The following WNK1 variants were observed in gnomAD, a reference collection of about 807,000 sequenced individuals.
WNK1 encodes WNK lysine deficient protein kinase 1, also known as serine/threonine-protein kinase WNK1.
In WNK1, 38 loss-of-function variants were observed where a neutral mutation model predicts 222.8. That is an observed-to-expected ratio of 0.17 (90% CI 0.13 to 0.22). The LOEUF is 0.22. Among genes scored for constraint, WNK1 ranks in the 10% least tolerant of loss-of-function variants. WNK1 has a pLI of 1.00. For synonymous variants in WNK1, 1,090 were observed against 1,092.9 expected, an observed-to-expected ratio of 1.00 and a Z score of 0.05; for missense variants, 2,348 against 2,918.4, an observed-to-expected ratio of 0.80 and a Z score of 4.50.
At chr12:892,847 G>T (rs559144928) in intron 22 of WNK1, among the ~76,000 whole-genome samples, 1 of 152,148 alleles carries the variant, frequency 6.6e-6, no homozygotes, top group East Asian at 1.9e-4. Flanking sequence ...GCCTCTGGGG[G>T]GATCAGTTTA....
At chr12:848,022 G>C (rs1330092135) in intron 4 of WNK1, among the ~76,000 whole-genome samples, 1 of 151,854 alleles carries the variant, frequency 6.6e-6, no homozygotes, top group Non-Finnish European at 1.5e-5. Context: ...TGGCTAGGAT[G>C]GTCTTTCTTG....
chr12:879,516 T>A, intron 10 of WNK1, 57 bp from the exon 11 acceptor site: 2 of 491,350 alleles, frequency 4.1e-6, no homozygotes, highest in Non-Finnish European at 3.0e-6. Context: ...AGCCTTGCTT[T>A]TTTTTTTTTT....
chr12:911,405 G>GACTT lies in WNK1; in HGVS notation c.*2615_*2618dup, dbSNP rs376351532. 2,882 of 398,576 alleles carry GACTT rather than the reference G, an allele frequency of 7.2e-3. 19 individuals carry two copies. Among genetic ancestry groups the GACTT allele is most frequent in the South Asian group, 0.039 (305 of 7,862 alleles). The allele number at this position is 398,576 out of a possible 1,614,324, so 24.7% of individuals were successfully genotyped here. On this transcript the variant is annotated 3_prime_UTR_variant, in exon 28 of 28. Transcript: ENST00000315939. ...TGTGCTTCAGTTTGTTACCTTTGTA[G>GACTT]ACTTATTTAATGAAACCATTCAAAT...
At chr12:907,070 A>G (rs1392183496) in intron 26 of WNK1, among the ~76,000 whole-genome samples, 1 of 138,280 alleles carries the variant, frequency 7.2e-6, no homozygotes, top group Non-Finnish European at 1.5e-5. Context: ...CTGTAATCCC[A>G]GCACTTTGGG....
At chr12:826,862 T>G (rs942347381) in intron 2 of WNK1, among the ~76,000 whole-genome samples, 180 bp from the exon 3 acceptor site, 1 of 152,224 alleles carries the variant, frequency 6.6e-6, no homozygotes, top group African/African-American at 2.4e-5. Flanking sequence ...TTAATAGAAT[T>G]TTTATTTTAA....
chr12:817,870 TTG>T (rs1947498711), intron 2 of WNK1, among the ~76,000 whole-genome samples: 1 of 152,046 alleles, frequency 6.6e-6, no homozygotes, highest in East Asian at 1.9e-4. Context: ...AGAGAATCGC[TTG>T]ACCCCGGAAG....
intron 1 of WNK1, among the ~76,000 whole-genome samples, chr12:768,837 G>A (rs1942100337): frequency 6.6e-6 from 1 of 151,546 alleles, no homozygotes; most frequent in South Asian, 2.1e-4. Flanking sequence ...TTGAGACGGA[G>A]TCTTGCTCTG....
intron 25 of WNK1, among the ~76,000 whole-genome samples, chr12:899,529 C>T (rs939637464): frequency 1.3e-5 from 2 of 152,086 alleles, no homozygotes; most frequent in South Asian, 2.1e-4. Flanking sequence ...GTGATCCGCC[C>T]GCCTCAGCCT....
chr12:875,478 A>G (rs911644979), intron 9 of WNK1, among the ~76,000 whole-genome samples: 13 of 152,224 alleles, frequency 8.5e-5, no homozygotes, highest in Non-Finnish European at 1.6e-4. Context: ...CAGACAGAAT[A>G]TTTTTAAGGA....
intron 4 of WNK1, 92 bp downstream of exon 4, chr12:830,252 T>C (rs1323930125): frequency 7.1e-7 from 1 of 1,409,824 alleles, no homozygotes; most frequent in Non-Finnish European, 9.9e-7. Flanking sequence ...AAGAGGACAA[T>C]AGTGGAAGGC....
At chr12:793,416 TA>T (rs1054779981) in intron 1 of WNK1, among the ~76,000 whole-genome samples, 2 of 152,236 alleles carry the variant, frequency 1.3e-5, no homozygotes, top group Admixed American at 6.5e-5. Flanking sequence ...CCACAAGAGC[TA>T]AATAGTAAAT....
chr12:816,656 A>G (rs1947365641), intron 2 of WNK1, among the ~76,000 whole-genome samples: 1 of 152,186 alleles, frequency 6.6e-6, no homozygotes, highest in Non-Finnish European at 1.5e-5. Flanking sequence ...TACTTGGTAC[A>G]GGAATCCCAA....
At chr12:845,227 A>C (rs1949946381) in intron 4 of WNK1, among the ~76,000 whole-genome samples, 1 of 152,146 alleles carries the variant, frequency 6.6e-6, no homozygotes. Context: ...TGCAATTTAA[A>C]TTTTTAGTTA....
chr12:904,735 A>G (rs1207937434), intron 26 of WNK1, among the ~76,000 whole-genome samples: 1 of 152,194 alleles, frequency 6.6e-6, no homozygotes. Context: ...GGGTATATAT[A>G]GGGAGGTCAG....
Position 882,975 on chromosome 12 carries a change from T to C in WNK1, c.3405T>C (p.Cys1135=), listed in dbSNP as rs1451039227. The change falls in exon 15 of 28, where the codon TGT becomes TGC. Residue 1135 remains cysteine, a synonymous_variant. Transcript: ENST00000315939. ...ATAAAGGAGACCGAGTAGTAGAATGTCAATTAGAGACTCATAATAGGAAAA... is the reference window on the plus strand; with the variant it reads ...ATAAAGGAGACCGAGTAGTAGAATGCCAATTAGAGACTCATAATAGGAAAA... The part of the protein sequence containing the change: ...VSNKGDRVVE[C]QLETHNRKMV... 1.9e-6 allele frequency: 3 copies of C among 1,613,512 alleles called. No individual in the cohort carries two copies. In the Admixed American group the frequency reaches 5.0e-5, roughly 27 times the overall value.
Position 886,012 on chromosome 12 carries a change from C to T in WNK1, c.5208C>T (p.Thr1736=), listed in dbSNP as rs1953609969. ...TPVVTPGQVS[T]PVSTTTSGVK... ...TGGTCACACCTGGGCAAGTTTCTAC[C>T]CCAGTCAGCACTACTACATCAGGAG... Residue 1736 remains threonine, a synonymous_variant, in exon 19 of 28, where the codon ACC becomes ACT. Coordinates refer to ENST00000315939, the MANE Select transcript of WNK1 (RefSeq NM_018979.4). The T allele has an allele frequency of 1.3e-6, 2 of 1,593,410 alleles. No individual in the cohort carries two copies. Among genetic ancestry groups the T allele is most frequent in the Non-Finnish European group, 1.7e-6 (2 of 1,172,714 alleles).
chr12:802,953 C>T (rs1264328741), intron 1 of WNK1, among the ~76,000 whole-genome samples: 1 of 152,060 alleles, frequency 6.6e-6, no homozygotes, highest in East Asian at 1.9e-4. Flanking sequence ...CCATAGTATT[C>T]ATATTTTGAA....
chr12:850,705 C>G (rs1000785520), intron 4 of WNK1, among the ~76,000 whole-genome samples: 16 of 152,298 alleles, frequency 1.1e-4, no homozygotes, highest in African/African-American at 3.6e-4. Flanking sequence ...GGTTTTAGGT[C>G]TAACATTTAA....
Position 864,105 on chromosome 12 carries a change from T to G in WNK1, c.2139+1835T>G, listed in dbSNP as rs1245806601. On this transcript the variant is annotated intron_variant, in intron 8 of 27. Transcript: ENST00000315939. ...ATTAAACCCTGTGCCTGAACATTTTTTTAAGTTTTTTTTTTTTTTTTTGAC... is the reference window on the plus strand; with the variant it reads ...ATTAAACCCTGTGCCTGAACATTTTGTTAAGTTTTTTTTTTTTTTTTTGAC... Among the ~76,000 whole-genome samples, 8 of 149,124 alleles carry G rather than the reference T, an allele frequency of 5.4e-5. No individual in the cohort carries two copies. In the East Asian group the frequency reaches 1.5e-3, roughly 29 times the overall value.
Sources: gnomAD v4.1 joint callset for allele counts (sites outside exome capture counted in the v4.1 genomes callset) on GRCh38, gnomAD v4.1.1 for gene constraint, MANE v1.5 for transcripts, NCBI Gene and HGNC (gene_info 2026-07-23, HGNC 2026-07-21) for gene names.